The following CHD7 variants were observed in gnomAD, a reference collection of about 807,000 sequenced individuals.
CHD7 encodes the protein chromodomain helicase DNA binding protein 7, also known as ATP-dependent chromatin remodeler CHD7.
A neutral mutation model predicts 307.3 loss-of-function variants in CHD7; 24 were observed. The ratio of observed to expected loss-of-function variants is 0.08; its 90% confidence interval spans 0.06 to 0.11. The LOEUF (loss-of-function observed/expected upper bound fraction) is 0.11, where lower values mean the gene tolerates loss of function less well. Ranked by LOEUF, CHD7 falls within the 10% of genes least tolerant of loss-of-function variation. CHD7 has a pLI of 1.00. For synonymous variants in CHD7, 1,363 were observed against 1,349.9 expected (o/e 1.01, Z -0.21); for missense variants, 3,106 against 3,727.1 (o/e 0.83, Z 4.34).
At chr8:60,815,432 G>T (rs1420760449) in intron 7 of CHD7, among the ~76,000 whole-genome samples, 1 of 152,168 alleles carries the variant, frequency 6.6e-6, no homozygotes, top group Non-Finnish European at 1.5e-5. Context: ...AGAGAAATAA[G>T]AGGCTCTCAA....
chr8:60,698,568 A>G (rs149508714), intron 1 of CHD7, among the ~76,000 whole-genome samples: 2 of 152,324 alleles, frequency 1.3e-5, no homozygotes, highest in African/African-American at 4.8e-5. Context: ...TTGGGCAGAT[A>G]ACCTGTTCCT....
At chr8:60,697,668 A>G (rs1757442999) in intron 1 of CHD7, among the ~76,000 whole-genome samples, 1 of 152,260 alleles carries the variant, frequency 6.6e-6, no homozygotes, top group South Asian at 2.1e-4. Flanking sequence ...GATGAAATCT[A>G]GTAGTTAAAT....
intron 2 of CHD7, among the ~76,000 whole-genome samples, chr8:60,743,823 T>C (rs1041446318): frequency 1.3e-5 from 2 of 152,238 alleles, no homozygotes; most frequent in African/African-American, 4.8e-5. Context: ...GTTTATGCCC[T>C]AGGTCTGTGA....
At chr8:60,838,335 T>G (rs768821913) in intron 19 of CHD7, 80 bp downstream of exon 19, 24 of 1,268,274 alleles carry the variant, frequency 1.9e-5, no homozygotes, top group Non-Finnish European at 2.7e-5. Context: ...TAAAAGTGCT[T>G]ACAAGATGCA....
chr8:60,732,254 A>T (rs1808489213), intron 1 of CHD7, among the ~76,000 whole-genome samples: 1 of 152,212 alleles, frequency 6.6e-6, no homozygotes, highest in Admixed American at 6.5e-5. Context: ...CTTTCCAGAA[A>T]TTTTTTAAAA....
At chr8:60,743,237 C>A (rs937115437) in intron 2 of CHD7, 140 bp downstream of exon 2, 157 of 757,274 alleles carry the variant, frequency 2.1e-4, no homozygotes, top group Non-Finnish European at 3.3e-4. Flanking sequence ...TTGGCTTATG[C>A]ATTTATTTTA....
intron 7 of CHD7, 147 bp downstream of exon 7, chr8:60,808,419 T>C: frequency 1.6e-6 from 1 of 619,756 alleles, no homozygotes. Flanking sequence ...TAACCAACTT[T>C]TGTATGTTTG....
intron 37 of CHD7, chr8:60,863,279 C>G (rs2129734860): frequency 6.6e-6 from 1 of 152,318 alleles, no homozygotes; most frequent in South Asian, 2.1e-4. Context: ...TGCCGCTGAC[C>G]TGTTGTCCAT....
At position 60,805,774 on chromosome 8, in the gene CHD7, C is replaced by T. The variant is rs923293415; in HGVS notation, c.2443-2443C>T. On this transcript the variant is annotated intron_variant, in intron 6 of 37. Transcript: ENST00000423902. Reference sequence around the variant, plus strand: ...GACAGAAGAATCAGGAGAAATAATACGAGCATAGACATGATAAATCTTGTT... The same window carrying T: ...GACAGAAGAATCAGGAGAAATAATATGAGCATAGACATGATAAATCTTGTT... Among the ~76,000 whole-genome samples, 32 of 151,956 alleles carry T rather than the reference C, an allele frequency of 2.1e-4. 1 individual carries two copies. Among genetic ancestry groups the T allele is most frequent in the African/African-American group, 7.3e-5 (3 of 41,328 alleles).
At chr8:60,798,687 A>G (rs1812146751) in intron 4 of CHD7, among the ~76,000 whole-genome samples, 1 of 152,128 alleles carries the variant, frequency 6.6e-6, no homozygotes, top group Non-Finnish European at 1.5e-5. Context: ...GTTATTTCAT[A>G]ATTCTTAGAA....
At chr8:60,833,121 C>T (rs1021537390) in intron 15 of CHD7, among the ~76,000 whole-genome samples, 1 of 152,118 alleles carries the variant, frequency 6.6e-6, no homozygotes, top group Non-Finnish European at 1.5e-5. Context: ...AAACATATAT[C>T]CAGCATTTAA....
chr8:60,780,476 A>G (rs1811154609), intron 2 of CHD7, among the ~76,000 whole-genome samples: 1 of 152,256 alleles, frequency 6.6e-6, no homozygotes. Context: ...TTTAAACCAG[A>G]AATGACTTGT....
Position 60,743,064 on chromosome 8 carries a change from C to G in CHD7, c.1632C>G (p.Pro544=), listed in dbSNP as rs45536935. The part of the protein sequence containing the change: ...HQPWAQLHPS[P]QNTPQKVPVH... ...CTTGGGCACAGCTCCACCCATCACC[C>G]CAGAACACCCCGCAGAAAGTGCCTG... is the stretch of plus-strand genomic sequence containing the variant. Residue 544 remains proline, a synonymous_variant, in exon 2 of 38, where the codon CCC becomes CCG. Transcript: ENST00000423902. 1 of 1,613,754 alleles carries G rather than the reference C, an allele frequency of 6.2e-7. No individual in the cohort carries two copies. Among genetic ancestry groups the G allele is most frequent in the African/African-American group, 1.3e-5 (1 of 74,920 alleles).
chr8:60,697,796 C>G (rs1440994233), intron 1 of CHD7, among the ~76,000 whole-genome samples: 1 of 152,202 alleles, frequency 6.6e-6, no homozygotes, highest in African/African-American at 2.4e-5. Context: ...TAATCTTTAG[C>G]AAAAATATGT....
At chr8:60,694,919 G>T (rs979884920) in intron 1 of CHD7, among the ~76,000 whole-genome samples, 3 of 152,190 alleles carry the variant, frequency 2.0e-5, no homozygotes, top group African/African-American at 7.2e-5. Context: ...AGGTTAGTTT[G>T]GCAGCATGTG....
intron 1 of CHD7, among the ~76,000 whole-genome samples, chr8:60,692,556 T>TTAGTGC (rs1369803092): frequency 6.6e-6 from 1 of 152,194 alleles, no homozygotes; most frequent in Non-Finnish European, 1.5e-5. Flanking sequence ...AGTGAGTGGG[T>TTAGTGC]TAGTGCTTTC....
chr8:60,710,070 A>G (rs140492677), intron 1 of CHD7, among the ~76,000 whole-genome samples: 2 of 151,118 alleles, frequency 1.3e-5, no homozygotes, highest in African/African-American at 2.4e-5. Flanking sequence ...AATTCTCCCA[A>G]TGTCACTTTT....
chr8:60,852,930 C>T lies in CHD7; in HGVS notation c.6205C>T (p.Leu2069Phe). The change falls in exon 31 of 38, where the codon CTC becomes TTC. Residue 2069 changes from leucine (L) to phenylalanine (F), a missense_variant. Leu to Phe is a conservative substitution (Grantham distance 22). Coordinates refer to ENST00000423902, the MANE Select transcript of CHD7 (RefSeq NM_017780.4). ...ELLRKIREQVLHHPQLGERLK... is the reference protein window; with the variant it reads ...ELLRKIREQVFHHPQLGERLK... ...GCTACGGAAGATCCGCGAGCAGGTT[C>T]TCCATCACCCCCAGCTGGGAGAGAG... 1 of 1,613,986 alleles carries T rather than the reference C, an allele frequency of 6.2e-7. No individual in the cohort carries two copies. The highest frequency in any genetic ancestry group is 1.6e-4 in the Middle Eastern group (1 of 6,062).
chr8:60,737,100 C>T (rs1808750828), intron 1 of CHD7, among the ~76,000 whole-genome samples: 1 of 151,982 alleles, frequency 6.6e-6, no homozygotes, highest in South Asian at 2.1e-4. Context: ...ATCTTGGTTT[C>T]TTGCGCACCC....
Sources: allele counts gnomAD v4.1 joint callset (sites outside exome capture counted in the v4.1 genomes callset), GRCh38; gene constraint gnomAD v4.1.1; transcripts MANE v1.5; gene names NCBI Gene and HGNC (gene_info 2026-07-23, HGNC 2026-07-21).